The following DCAF1 variants were observed in gnomAD, a reference collection of about 807,000 sequenced individuals.
DCAF1 encodes DDB1- and CUL4-associated factor 1.
A neutral mutation model predicts 128.0 loss-of-function variants in DCAF1; 15 were observed. The ratio of observed to expected loss-of-function variants is 0.12; its 90% CI spans 0.08 to 0.18. DCAF1 has a LOEUF of 0.18. DCAF1 is among the 10% of genes least tolerant of loss of function. The pLI is 1.00. For synonymous variants in DCAF1, 610 were observed against 603.0 expected, an observed-to-expected ratio of 1.01 and a Z score of -0.17; for missense variants, 988 against 1,649.5, an observed-to-expected ratio of 0.60 and a Z score of 6.95.
intron 3 of DCAF1, among the ~76,000 whole-genome samples, chr3:51,471,880 A>C (rs555861287): frequency 2.2e-4 from 33 of 151,818 alleles, no homozygotes; most frequent in Admixed American, 2.2e-3. Flanking sequence ...AAAAAAAAAA[A>C]CCTTCCTTTT....
intron 1 of DCAF1, among the ~76,000 whole-genome samples, chr3:51,499,231 G>A (rs1708563357): frequency 6.6e-6 from 1 of 152,240 alleles, no homozygotes; most frequent in South Asian, 2.1e-4. Context: ...ATAGACTCCA[G>A]GGAAGCTTCG....
At chr3:51,399,923 C>T (rs1174364205) in intron 24 of DCAF1, among the ~76,000 whole-genome samples, 5 of 152,170 alleles carry the variant, frequency 3.3e-5, no homozygotes, top group Non-Finnish European at 7.3e-5. Context: ...TTTCCAGTGC[C>T]TAAGAGAATC....
At chr3:51,444,967 GC>G (rs1701718707) in intron 6 of DCAF1, among the ~76,000 whole-genome samples, 1 of 152,250 alleles carries the variant, frequency 6.6e-6, no homozygotes, top group South Asian at 2.1e-4. Context: ...GAGCCACCAT[GC>G]CCGGCCCCCA....
At chr3:51,414,910 CAAATT>C (rs1317546175) in intron 18 of DCAF1, 53 bp from the exon 19 acceptor site, 46 of 1,564,680 alleles carry the variant, frequency 2.9e-5, no homozygotes, top group South Asian at 1.2e-4. Context: ...CATCCACTGA[CAAATT>C]AAAGAGAAAA....
intron 9 of DCAF1, among the ~76,000 whole-genome samples, chr3:51,434,081 C>CAA (rs1282871237): frequency 8.7e-5 from 8 of 91,890 alleles, no homozygotes; most frequent in East Asian, 3.0e-4. Context: ...GACCCTGTCT[C>CAA]AAAAAAAAAA....
At chr3:51,474,018 C>T (rs1022086932) in intron 3 of DCAF1, among the ~76,000 whole-genome samples, 29 of 151,850 alleles carry the variant, frequency 1.9e-4, no homozygotes, top group African/African-American at 6.3e-4. Context: ...CCATGTTAGT[C>T]AGGCTATCTC....
At chr3:51,483,377 T>C (rs1488667092) in intron 3 of DCAF1, among the ~76,000 whole-genome samples, 2 of 150,180 alleles carry the variant, frequency 1.3e-5, no homozygotes, top group Admixed American at 6.7e-5. Context: ...GAGACGGAGG[T>C]TGCAGTGAGC....
intron 23 of DCAF1, among the ~76,000 whole-genome samples, chr3:51,405,613 T>A (rs554263718): frequency 6.6e-6 from 1 of 152,348 alleles, no homozygotes; most frequent in South Asian, 2.1e-4. Context: ...TTTCTCACCA[T>A]GCATTTTGTC....
At chr3:51,452,081 G>A (rs1553641639) in intron 6 of DCAF1, among the ~76,000 whole-genome samples, 3 of 151,804 alleles carry the variant, frequency 2.0e-5, no homozygotes, top group East Asian at 1.9e-4. Flanking sequence ...ACAGGGTCTC[G>A]CTCTGTCTCC....
In DCAF1 at chr3:51,498,192, T is replaced by G. The variant is rs1244219228; in HGVS notation, c.-55-1412A>C. Among the ~76,000 whole-genome samples, 4 of 146,040 alleles carry G rather than the reference T, an allele frequency of 2.7e-5. No individual in the cohort carries two copies. The South Asian group carries it at 6.7e-4, about 24-fold the overall frequency. On this transcript the variant is annotated intron_variant, in intron 1 of 24. Transcript: ENST00000684031. ...CTGGCCAATATGCTGAAACCCCATC[T>G]CTACTATAAATACAAAAATTATCCG...
intron 6 of DCAF1, among the ~76,000 whole-genome samples, chr3:51,455,262 C>T (rs1702773411): frequency 6.6e-6 from 1 of 152,146 alleles, no homozygotes; most frequent in Admixed American, 6.6e-5. Flanking sequence ...CTCTTTATCA[C>T]TGGGAAGATC....
intron 14 of DCAF1, 71 bp from the exon 15 acceptor site, chr3:51,421,068 C>A (rs1553632393): frequency 6.6e-7 from 1 of 1,509,838 alleles, no homozygotes. Context: ...GTTCCAGAGT[C>A]AAAATTTGGT....
chr3:51,462,997 C>A, intron 6 of DCAF1, 117 bp downstream of exon 6: 1 of 479,602 alleles, frequency 2.1e-6, no homozygotes, highest in Non-Finnish European at 3.4e-6. Context: ...ATTTTTATAA[C>A]ATATATTACT....
intron 2 of DCAF1, among the ~76,000 whole-genome samples, chr3:51,485,151 G>A (rs963640107): frequency 2.0e-5 from 3 of 152,142 alleles, no homozygotes; most frequent in Non-Finnish European, 4.4e-5. Flanking sequence ...CTGACCTCAG[G>A]TGATCCACCC....
rs551858309 is a variant in DCAF1 at position 51,443,892 on chromosome 3, G to A, written c.387C>T (p.Val129=). The A allele has an allele frequency of 3.5e-5, 56 of 1,602,622 alleles. No individual in the cohort carries two copies. Among genetic ancestry groups the A allele is most frequent in the Admixed American group, 8.8e-5 (5 of 56,556 alleles). The change falls in exon 7 of 25, where the codon GTC becomes GTT. Residue 129 remains valine, a synonymous_variant. Coordinates refer to ENST00000684031, the MANE Select transcript of DCAF1 (RefSeq NM_001387579.1). The part of the protein sequence containing the change: ...AVVFQEKEGI[V]ENLFKWAREA... ...CTCGGGCCCATTTGAAAAGATTCTCGACAATTCCCTCCTATAGTAAAGGAA... is the reference window on the plus strand; with the variant it reads ...CTCGGGCCCATTTGAAAAGATTCTCAACAATTCCCTCCTATAGTAAAGGAA...
intron 2 of DCAF1, among the ~76,000 whole-genome samples, chr3:51,488,673 C>A (rs537142492): frequency 6.6e-6 from 1 of 152,134 alleles, no homozygotes; most frequent in East Asian, 1.9e-4. Context: ...CATGGTGGCA[C>A]GCACCTGTAA....
chr3:51,419,061 C>G (rs563671127), intron 15 of DCAF1, among the ~76,000 whole-genome samples, 185 bp from the exon 16 acceptor site: 57 of 152,160 alleles, frequency 3.7e-4, no homozygotes, highest in Non-Finnish European at 6.9e-4. Flanking sequence ...ATTTAAATAA[C>G]AAAAATTCCC....
chr3:51,427,302 T>C (rs1699990460), intron 13 of DCAF1, 70 bp downstream of exon 13: 3 of 622,842 alleles, frequency 4.8e-6, no homozygotes, highest in Non-Finnish European at 5.9e-6. Context: ...GCATATACAA[T>C]GTGCAAACCA....
At chr3:51,449,280 T>C (rs2107799669) in intron 6 of DCAF1, among the ~76,000 whole-genome samples, 2 of 152,298 alleles carry the variant, frequency 1.3e-5, no homozygotes, top group South Asian at 4.1e-4. Context: ...CAATCTTGGC[T>C]CACTGCCACC....
Sources: allele counts gnomAD v4.1 joint callset (sites outside exome capture counted in the v4.1 genomes callset), GRCh38; gene constraint gnomAD v4.1.1; transcripts MANE v1.5; gene names NCBI Gene and HGNC (gene_info 2026-07-23, HGNC 2026-07-21).